Variants in SNX18 observed in about 807,000 individuals in gnomAD.
SNX18 encodes sorting nexin 18, also known as sorting nexin-18.
A neutral mutation model predicts 48.7 loss-of-function variants in SNX18; 35 were observed. The observed-to-expected ratio is 0.72, with a 90% CI of 0.55 to 0.95. SNX18 has a LOEUF of 0.95. Among genes scored for constraint, SNX18 ranks in the 40% least tolerant of loss-of-function variants. SNX18 has a pLI of 0.00. For missense variants in SNX18, 824 were observed against 871.0 expected, an observed-to-expected ratio of 0.95 and a Z score of 0.68; for synonymous variants, 492 against 384.7, an observed-to-expected ratio of 1.28 and a Z score of -3.26.
the SNX18 span, among the ~76,000 whole-genome samples, chr5:54,632,932 G>A: frequency 1.3e-5 from 2 of 151,930 alleles, no homozygotes; most frequent in Non-Finnish European, 2.9e-5. Context: ...CCGCCACCAT[G>A]CCCAGCTAAT....
chr5:54,545,129 G>A lies in SNX18; in HGVS notation c.*1697G>A, dbSNP rs1188788423. 6.6e-6 allele frequency: 1 copy of A among 152,034 alleles called. No individual in the cohort carries two copies. The highest frequency in any genetic ancestry group is 1.5e-5 in the Non-Finnish European group (1 of 68,002). The allele number at this position is 152,034 out of a possible 1,614,324, so 9.4% of individuals were successfully genotyped here. On this transcript the variant is annotated 3_prime_UTR_variant, in exon 2 of 2. Coordinates refer to ENST00000381410, the MANE Select transcript of SNX18 (RefSeq NM_001102575.2). ...ATTTGGTCAAAATTTTGTACCTTAG[G>A]TTACTTAGAGCCAGATTTAACATCA...
the SNX18 span, among the ~76,000 whole-genome samples, chr5:54,589,377 C>A: frequency 2.6e-5 from 4 of 152,120 alleles, no homozygotes; most frequent in Admixed American, 6.6e-5. Flanking sequence ...TGTGGCAAAC[C>A]CTGAGGCACG....
At chr5:54,522,443 C>T (rs967552774) in intron 1 of SNX18, among the ~76,000 whole-genome samples, 1 of 152,192 alleles carries the variant, frequency 6.6e-6, no homozygotes, top group African/African-American at 2.4e-5. Context: ...TGCAGTTTAA[C>T]TATCAACCCC....
the SNX18 span, among the ~76,000 whole-genome samples, chr5:54,617,443 C>T: frequency 6.6e-6 from 1 of 152,124 alleles, no homozygotes; most frequent in Non-Finnish European, 1.5e-5. Context: ...TGTACTTCCC[C>T]CTCCCAAGTA....
At chr5:54,533,814 A>G (rs1276183150) in intron 1 of SNX18, among the ~76,000 whole-genome samples, 1 of 152,130 alleles carries the variant, frequency 6.6e-6, no homozygotes, top group African/African-American at 2.4e-5. Flanking sequence ...TTTTTGAGAC[A>G]TTTTGCTCAA....
At chr5:54,550,494 G>T (rs1762633901), downstream of SNX18, among the ~76,000 whole-genome samples, 2 of 152,046 alleles carry the variant, frequency 1.3e-5, no homozygotes, top group Non-Finnish European at 2.9e-5. Context: ...ATTTTCCTAA[G>T]AAAATTAAAT....
At chr5:54,575,460 C>T in the SNX18 span, among the ~76,000 whole-genome samples, 1 of 149,532 alleles carries the variant, frequency 6.7e-6, no homozygotes, top group Non-Finnish European at 1.5e-5. Flanking sequence ...GCAACCTCTG[C>T]CTCCTGGTTC....
chr5:54,618,049 T>A, the SNX18 span, among the ~76,000 whole-genome samples: 1 of 152,104 alleles, frequency 6.6e-6, no homozygotes, highest in East Asian at 1.9e-4. Flanking sequence ...GTTTCCATAA[T>A]CCCCACATGT....
chr5:54,526,996 A>T (rs1762143736), intron 1 of SNX18, among the ~76,000 whole-genome samples: 1 of 152,120 alleles, frequency 6.6e-6, no homozygotes, highest in South Asian at 2.1e-4. Flanking sequence ...TAGCTAAAGT[A>T]AGGCCCTGGG....
chr5:54,523,009 A>G lies in SNX18; in HGVS notation c.1621+3436A>G, dbSNP rs573519090. On this transcript the variant is annotated intron_variant, in intron 1 of 1. Coordinates refer to ENST00000381410, the MANE Select transcript of SNX18 (RefSeq NM_001102575.2). ...GGTAGTTTGCTGTAGTCTGCGGTAC[A>G]TTAGATGGGAATTCAGAATCTATTG... Among the ~76,000 whole-genome samples the G allele has an allele frequency of 3.9e-5, 6 of 152,296 alleles. No individual in the cohort carries two copies. The East Asian group carries it at 9.7e-4, about 25-fold the overall frequency.
chr5:54,594,299 T>G, the SNX18 span, among the ~76,000 whole-genome samples: 7 of 152,326 alleles, frequency 4.6e-5, no homozygotes, highest in African/African-American at 1.2e-4. Context: ...ATAAGGAAAC[T>G]TTTGGAAAAT....
At chr5:54,606,754 C>A in the SNX18 span, among the ~76,000 whole-genome samples, 9 of 152,190 alleles carry the variant, frequency 5.9e-5, no homozygotes, top group Admixed American at 5.9e-4. Context: ...TATAATATCA[C>A]AACCAGGAGA....
the SNX18 span, among the ~76,000 whole-genome samples, chr5:54,580,073 G>A: frequency 1.3e-5 from 2 of 151,976 alleles, no homozygotes; most frequent in African/African-American, 4.8e-5. Flanking sequence ...GCATTAGAGG[G>A]TGTGTGTGTG....
In SNX18 at chr5:54,528,096, TATTGATTCTTGGTGTTTAA is replaced by T. The variant is rs1762170200; in HGVS notation, c.1621+8525_1621+8543del. ...TTGTATACCTCATGATTTCACTTTA[TATTGATTCTTGGTGTTTAA>T]ACTTACGCATGCATACACGCACATA... On this transcript the variant is annotated intron_variant, in intron 1 of 1. Transcript: ENST00000381410. Among the ~76,000 whole-genome samples the T allele has an allele frequency of 2.6e-5, 4 of 152,124 alleles. No individual in the cohort carries two copies. In the South Asian group the frequency reaches 8.3e-4, roughly 32 times the overall value.
At chr5:54,553,074 G>C in the SNX18 span, among the ~76,000 whole-genome samples, 1 of 152,088 alleles carries the variant, frequency 6.6e-6, no homozygotes, top group Non-Finnish European at 1.5e-5. Flanking sequence ...GGGAGGGGAT[G>C]GGGGTGCAGA....
At chr5:54,602,085 G>T in the SNX18 span, among the ~76,000 whole-genome samples, 1 of 152,264 alleles carries the variant, frequency 6.6e-6, no homozygotes, top group African/African-American at 2.4e-5. Flanking sequence ...AGTAAGCAAA[G>T]CTCCTCCAAG....
At chr5:54,628,361 C>T in the SNX18 span, among the ~76,000 whole-genome samples, 2 of 152,150 alleles carry the variant, frequency 1.3e-5, no homozygotes, top group African/African-American at 2.4e-5. Context: ...ATTCTTCTCC[C>T]TCCTGGGTTT....
the SNX18 span, among the ~76,000 whole-genome samples, chr5:54,599,573 T>C: frequency 1.3e-5 from 2 of 152,128 alleles, no homozygotes; most frequent in Non-Finnish European, 2.9e-5. Context: ...CCTACCAGAC[T>C]TCATTCAAAC....
intron 1 of SNX18, among the ~76,000 whole-genome samples, chr5:54,537,462 G>A (rs556255507): frequency 1.3e-4 from 20 of 152,100 alleles, no homozygotes; most frequent in Non-Finnish European, 2.2e-4. Context: ...TGACATTGTC[G>A]TTGGAAAATG....
Sources: allele counts gnomAD v4.1 joint callset (sites outside exome capture counted in the v4.1 genomes callset), GRCh38; gene constraint gnomAD v4.1.1; transcripts MANE v1.5; gene names NCBI Gene and HGNC (gene_info 2026-07-23, HGNC 2026-07-21).